Variants in NRG1 observed in about 807,000 individuals in gnomAD.
The protein encoded by NRG1 is pro-neuregulin-1, membrane-bound isoform.
Under a neutral mutation model 63.8 loss-of-function variants are expected in NRG1, and 18 were observed. The observed-to-expected ratio is 0.28, with a 90% confidence interval of 0.19 to 0.42. NRG1 has a LOEUF of 0.42. NRG1 is among the 10% of genes least tolerant of loss of function. NRG1 has a pLI of 1.00. For missense variants in NRG1, 762 were observed against 814.7 expected (o/e 0.94, Z 0.79); for synonymous variants, 302 against 301.3 (o/e 1.00, Z -0.02).
chr8:32,027,357 T>A (rs748865554), intron 1 of NRG1, among the ~76,000 whole-genome samples: 11 of 152,142 alleles, frequency 7.2e-5, no homozygotes. Context: ...TGGGTGTCTC[T>A]ATTTTTATAT....
intron 1 of NRG1, among the ~76,000 whole-genome samples, chr8:32,328,741 G>A (rs935358857): frequency 3.9e-5 from 6 of 152,092 alleles, no homozygotes; most frequent in African/African-American, 1.4e-4. Flanking sequence ...GGAGAGTCAA[G>A]CCTGGTCTCC....
chr8:32,418,468 A>G (rs1483626850), intron 1 of NRG1, among the ~76,000 whole-genome samples: 1 of 152,002 alleles, frequency 6.6e-6, no homozygotes, highest in Non-Finnish European at 1.5e-5. Flanking sequence ...GATATTTTAC[A>G]TTCTTTTTTT....
chr8:32,623,925 T>A (rs1032994529), intron 5 of NRG1, among the ~76,000 whole-genome samples: 3 of 152,210 alleles, frequency 2.0e-5, no homozygotes, highest in Non-Finnish European at 4.4e-5. Context: ...TACAGAATTA[T>A]TCTTTTGGAC....
At chr8:31,763,401 C>A in intron 1 of NRG1, among the ~76,000 whole-genome samples, 1 of 152,100 alleles carries the variant, frequency 6.6e-6, no homozygotes, top group East Asian at 1.9e-4. Context: ...GTTTAGATAC[C>A]ATTTAACAGT....
chr8:32,401,351 G>A (rs1185476083), intron 1 of NRG1, among the ~76,000 whole-genome samples: 3 of 151,882 alleles, frequency 2.0e-5, no homozygotes, highest in Non-Finnish European at 4.4e-5. Context: ...AACTGCAAAC[G>A]TGCCCTGCTT....
At chr8:31,956,053 A>AC (rs1217004074) in intron 1 of NRG1, among the ~76,000 whole-genome samples, 1 of 148,404 alleles carries the variant, frequency 6.7e-6, no homozygotes, top group Non-Finnish European at 1.5e-5. Context: ...AAAAAAAAAA[A>AC]CAAAAAAACA....
chr8:32,072,266 C>A (rs1356236979), intron 1 of NRG1, among the ~76,000 whole-genome samples: 17 of 149,680 alleles, frequency 1.1e-4, no homozygotes, highest in Non-Finnish European at 2.1e-4. Flanking sequence ...AAATAAGAAA[C>A]CCAAAACCTT....
chr8:31,862,657 A>C (rs1306291553), intron 1 of NRG1, among the ~76,000 whole-genome samples: 1 of 152,182 alleles, frequency 6.6e-6, no homozygotes, highest in Non-Finnish European at 1.5e-5. Context: ...TCAGCATTTA[A>C]AGTAATTTTG....
chr8:32,050,217 T>C (rs556090283), intron 1 of NRG1, among the ~76,000 whole-genome samples: 1 of 152,054 alleles, frequency 6.6e-6, no homozygotes, highest in South Asian at 2.1e-4. Flanking sequence ...CGTCAGTTGG[T>C]ATCTGTTTTT....
chr8:32,298,339 G>A (rs1855138742), intron 1 of NRG1, among the ~76,000 whole-genome samples: 1 of 152,206 alleles, frequency 6.6e-6, no homozygotes, highest in African/African-American at 2.4e-5. Context: ...CTCAGAGGGA[G>A]TATGTTTATT....
At chr8:31,832,560 T>C (rs1020038044) in intron 1 of NRG1, among the ~76,000 whole-genome samples, 1 of 152,000 alleles carries the variant, frequency 6.6e-6, no homozygotes, top group Non-Finnish European at 1.5e-5. Context: ...TGCCCAACCA[T>C]AGATTTTTTT....
intron 1 of NRG1, among the ~76,000 whole-genome samples, chr8:32,578,314 T>A (rs1385131522): frequency 6.6e-6 from 1 of 152,172 alleles, no homozygotes; most frequent in Non-Finnish European, 1.5e-5. Flanking sequence ...AAATAAGATC[T>A]TCATGTGTTA....
intron 1 of NRG1, among the ~76,000 whole-genome samples, chr8:31,746,699 C>T (rs1815908235): frequency 1.3e-5 from 2 of 151,968 alleles, no homozygotes; most frequent in Admixed American, 6.6e-5. Flanking sequence ...AAAGAGGTAT[C>T]TACGCTCTCA....
At chr8:32,178,929 T>C (rs1243293297) in intron 1 of NRG1, among the ~76,000 whole-genome samples, 1 of 151,964 alleles carries the variant, frequency 6.6e-6, no homozygotes. Context: ...TAGAAACTGA[T>C]GGACATAAGA....
intron 1 of NRG1, among the ~76,000 whole-genome samples, chr8:32,208,224 G>A (rs986469731): frequency 1.3e-5 from 2 of 151,738 alleles, no homozygotes; most frequent in Non-Finnish European, 2.9e-5. Context: ...CAGGGCAGTC[G>A]AGGAGGTTGT....
chr8:32,395,609 T>TTA (rs61310425), intron 1 of NRG1, among the ~76,000 whole-genome samples: 3 of 68,738 alleles, frequency 4.4e-5, no homozygotes, highest in Non-Finnish European at 6.3e-5. Flanking sequence ...GAGTTATAAC[T>TTA]TTTTTTTTTT....
intron 1 of NRG1, among the ~76,000 whole-genome samples, chr8:31,989,518 A>G (rs1810699303): frequency 6.6e-6 from 1 of 151,998 alleles, no homozygotes; most frequent in African/African-American, 2.4e-5. Context: ...ACCTTTCCAA[A>G]GCTGCTATGC....
At chr8:32,157,079 T>G (rs1168081039) in intron 1 of NRG1, among the ~76,000 whole-genome samples, 2 of 151,508 alleles carry the variant, frequency 1.3e-5, no homozygotes, top group Non-Finnish European at 2.9e-5. Context: ...TGTGTGTGTG[T>G]GTGTGTGTGT....
intron 1 of NRG1, among the ~76,000 whole-genome samples, chr8:32,365,427 A>G (rs1807832088): frequency 6.6e-6 from 1 of 151,302 alleles, no homozygotes; most frequent in Non-Finnish European, 1.5e-5. Context: ...TTCTCCTTTC[A>G]CATATGGCCT....
Sources: gnomAD v4.1 joint callset for allele counts (sites outside exome capture counted in the v4.1 genomes callset) on GRCh38, gnomAD v4.1.1 for gene constraint, MANE v1.5 for transcripts, NCBI Gene and HGNC (gene_info 2026-07-23, HGNC 2026-07-21) for gene names.